COL11A2: variants seen among roughly 807,000 people sequenced by gnomAD.
The protein encoded by COL11A2 is collagen type XI alpha 2 chain, also known as collagen alpha-2(XI) chain.
COL11A2 carries 116 observed loss-of-function variants against 273.4 expected under a neutral mutation model. That is an observed-to-expected ratio of 0.42 (90% confidence interval 0.36 to 0.49). COL11A2 has a LOEUF of 0.49. Among genes scored for constraint, COL11A2 ranks in the 20% least tolerant of loss-of-function variants. COL11A2 has a pLI of 0.00. For missense variants in COL11A2, 1,866 were observed against 2,309.0 expected, an observed-to-expected ratio of 0.81 and a Z score of 3.93; for synonymous variants, 782 against 864.2, an observed-to-expected ratio of 0.90 and a Z score of 1.67.
rs371182293 is a variant in COL11A2 at position 33,180,650 on chromosome 6, T to C, written c.1284+18A>G. On this transcript the variant is annotated intron_variant, in intron 11 of 65. Coordinates refer to ENST00000341947, the MANE Select transcript of COL11A2 (RefSeq NM_080680.3). ...GCTCCCCCGAAGCTCCCCCGTCACA[T>C]GGAGGACACCCCCTTACCCTCTCTC... is the stretch of plus-strand genomic sequence containing the variant. The C allele has an allele frequency of 4.4e-5, 70 of 1,595,110 alleles. No homozygotes were observed. The African/African-American group carries it at 8.1e-4, about 18-fold the overall frequency.
At position 33,186,703 on chromosome 6, in the gene COL11A2, G is replaced by A; in HGVS notation, c.722C>T (p.Pro241Leu). The change falls in exon 5 of 66, where the codon CCT becomes CTT. Residue 241 changes from proline to leucine, a missense_variant. Transcript: ENST00000341947. ...CTGTGGAGATCTCTGGGCTCTGTGA[G>A]GCTGTTGGTTTTGGGGTCTTTCCCT... ...GQRERPQNQQ[P>L]HRAQRSPQQQ... The A allele has an allele frequency of 6.2e-7, 1 of 1,611,456 alleles. No individual in the cohort carries two copies. The highest frequency in any genetic ancestry group is 8.5e-7 in the Non-Finnish European group (1 of 1,179,024).
chr6:33,168,624 C>A, intron 53 of COL11A2, 52 bp from the exon 54 acceptor site: 1 of 1,607,594 alleles, frequency 6.2e-7, no homozygotes, highest in Non-Finnish European at 8.5e-7. Flanking sequence ...AGCCAAGGGA[C>A]CCCTCAGGAG....
chr6:33,179,592 C>A lies in COL11A2; in HGVS notation c.1447-105G>T. On this transcript the variant is annotated intron_variant, in intron 13 of 65. Coordinates refer to ENST00000341947, the MANE Select transcript of COL11A2 (RefSeq NM_080680.3). This position sits in a 1 kb window ranked among gnomAD's most constrained non-coding sequence, Gnocchi z 6.4. ...CCTCTCCTGATCCTCATCCACTGCCCAGGATTCTCCCCAACCTCCCTGTTA... is the reference window on the plus strand; with the variant it reads ...CCTCTCCTGATCCTCATCCACTGCCAAGGATTCTCCCCAACCTCCCTGTTA... 6.9e-7 allele frequency: 1 copy of A among 1,449,614 alleles called. No homozygotes were observed. The highest frequency in any genetic ancestry group is 1.4e-5 in the African/African-American group (1 of 71,318). The allele number at this position is 1,449,614 out of a possible 1,614,324, so 89.8% of individuals were successfully genotyped here. A position where few individuals can be genotyped will look rare whatever the true frequency, so the allele number is the denominator to read the frequency against.
Position 33,166,099 on chromosome 6 carries a change from A to G in COL11A2, c.4428+72T>C, listed in dbSNP as rs932707399. 8 of 1,603,310 alleles carry G rather than the reference A, an allele frequency of 5.0e-6. No individual in the cohort carries two copies. Among genetic ancestry groups the G allele is most frequent in the African/African-American group, 2.7e-5 (2 of 74,938 alleles). ...ATAAGGGGCTCCTTGGGGGGAGTCT[A>G]TTTGTCCTGGAGAGACATCATCAAG... On this transcript the variant is annotated intron_variant, in intron 61 of 65. Transcript: ENST00000341947. This position sits in a 1 kb window ranked among gnomAD's most constrained non-coding sequence, Gnocchi z 4.8.
At position 33,181,155 on chromosome 6, in the gene COL11A2, G is replaced by A. The variant is rs1417182811; in HGVS notation, c.1135C>T (p.Arg379Ter). 6 of 1,614,060 alleles carry A rather than the reference G, an allele frequency of 3.7e-6. No homozygotes were observed. The highest frequency in any genetic ancestry group is 1.3e-5 in the African/African-American group (1 of 74,984). Residue 379 changes from arginine to a stop codon, truncating the protein, a stop_gained, in exon 9 of 66, where the codon CGA (arginine) becomes TGA (stop). Coordinates refer to ENST00000341947, the MANE Select transcript of COL11A2 (RefSeq NM_080680.3). LOFTEE classifies it high-confidence loss of function. ...AHSGAAAHGP[R>*]GLKGEKGEPA... is the part of the protein sequence containing the mutation. The stretch of plus-strand genomic sequence containing the variant: ...TCTCCTTTCTCTCCCTTCAGCCCTC[G>A]GGGTCCATGGGCAGCCTGAAGGAGA...
At chr6:33,168,904 C>CT (rs1292523264) in intron 52 of COL11A2, 51 bp downstream of exon 52, 12 of 1,601,872 alleles carry the variant, frequency 7.5e-6, no homozygotes, top group Non-Finnish European at 1.0e-5. Flanking sequence ...GAGGACCCCC[C>CT]CATAGAAGCC....
At position 33,167,520 on chromosome 6, in the gene COL11A2, G is replaced by A; in HGVS notation, c.4028C>T (p.Ala1343Val). Reference sequence around the variant, plus strand: ...GCCTGTCTTCCCCGGGGCACCTATAGCGCCAGGATCTCCCTGAAACACACA... The same window carrying A: ...GCCTGTCTTCCCCGGGGCACCTATAACGCCAGGATCTCCCTGAAACACACA... ...GGKGAKGDPGAIGAPGKTGPV... is the reference protein window; with the variant it reads ...GGKGAKGDPGVIGAPGKTGPV... The change falls in exon 56 of 66, where the codon GCT becomes GTT. Residue 1343 changes from alanine (A) to valine (V), a missense_variant. Transcript: ENST00000341947. This position sits in a 1 kb window ranked among gnomAD's most constrained non-coding sequence, Gnocchi z 6.1. 6.2e-7 allele frequency: 1 copy of A among 1,612,832 alleles called. No homozygotes were observed. The highest frequency in any genetic ancestry group is 8.5e-7 in the Non-Finnish European group (1 of 1,180,010).
At position 33,172,543 on chromosome 6, in the gene COL11A2, T is replaced by G; in HGVS notation, c.2885A>C (p.Lys962Thr). 6.2e-7 allele frequency: 1 copy of G among 1,612,606 alleles called. No individual in the cohort carries two copies. The part of the protein sequence containing the change: ...GEQGLPGTAG[K>T]EGTKGDPGPP... ...CCCCTCACTGACCTTTGTTCCTTCT[T>G]TTCCAGCTGTCCCAGGTAGTCCCTG... Residue 962 changes from lysine to threonine, a missense_variant, in exon 39 of 66, where the codon AAA becomes ACA. Transcript: ENST00000341947.
intron 3 of COL11A2, 133 bp from the exon 4 acceptor site, chr6:33,188,657 G>A: frequency 9.7e-7 from 1 of 1,033,534 alleles, no homozygotes; most frequent in South Asian, 1.3e-5. Context: ...ACCATTTATT[G>A]AGTGTTTACA....
Position 33,170,628 on chromosome 6 carries a change from A to C in COL11A2, c.3475-18T>G, listed in dbSNP as rs750001870. On this transcript the variant is annotated intron_variant, in intron 46 of 65. Transcript: ENST00000341947. The surrounding 1 kb of genome is among the most constrained non-coding windows in gnomAD (Gnocchi z 4.3). ...GGCAAACCCTGTGCAAGTATACAAA[A>C]CATGGGCCCAGGTGACGACCCCACC... 6.2e-7 allele frequency: 1 copy of C among 1,612,500 alleles called. No individual in the cohort carries two copies. The highest frequency in any genetic ancestry group is 8.5e-7 in the Non-Finnish European group (1 of 1,179,750).
Position 33,165,458 on chromosome 6 carries a change from A to G in COL11A2, c.4750+91T>C. ...CCTCAGCCCTCACCCTTAACCCAACACCTTCACCAAGACTCCCCCAGCATC... is the reference window on the plus strand; with the variant it reads ...CCTCAGCCCTCACCCTTAACCCAACGCCTTCACCAAGACTCCCCCAGCATC... On this transcript the variant is annotated intron_variant, in intron 63 of 65. Coordinates refer to ENST00000341947, the MANE Select transcript of COL11A2 (RefSeq NM_080680.3). This position sits in a 1 kb window ranked among gnomAD's most constrained non-coding sequence, Gnocchi z 7.7. The G allele has an allele frequency of 6.3e-7, 1 of 1,584,286 alleles. No homozygotes were observed. The highest frequency in any genetic ancestry group is 8.6e-7 in the Non-Finnish European group (1 of 1,167,116).
In COL11A2 at chr6:33,177,691, C is replaced by T; in HGVS notation, c.1888G>A (p.Asp630Asn). 1 of 1,612,904 alleles carries T rather than the reference C, an allele frequency of 6.2e-7. No homozygotes were observed. Among genetic ancestry groups the T allele is most frequent in the Non-Finnish European group, 8.5e-7 (1 of 1,179,988 alleles). Residue 630 changes from aspartate to asparagine, a missense_variant, in exon 22 of 66, where the codon GAT becomes AAT. Transcript: ENST00000341947. This position sits in a 1 kb window ranked among gnomAD's most constrained non-coding sequence, Gnocchi z 5.9. ...IPGPPGVRGM[D>N]GPQGPKGSLG... is the part of the protein sequence containing the mutation. Reference sequence around the variant, plus strand: ...CTCCCTTTGGGGCCCTGGGGACCATCCATGCCTCGGACGCCCTGAAACACA... The same window carrying T: ...CTCCCTTTGGGGCCCTGGGGACCATTCATGCCTCGGACGCCCTGAAACACA...
chr6:33,178,957 T>C lies in COL11A2; in HGVS notation c.1628A>G (p.Asp543Gly). Reference sequence around the variant, plus strand: ...ATCTCCAGGCATCCCTCGGGCTCCATCAGCACCTGCCCGGCCCTGGGAGAA... The same window carrying C: ...ATCTCCAGGCATCCCTCGGGCTCCACCAGCACCTGCCCGGCCCTGGGAGAA... ...KAGRRGRAGA[D>G]GARGMPGDPG... Residue 543 changes from aspartate (D) to glycine (G), a missense_variant, in exon 17 of 66, where the codon GAT (aspartate) becomes GGT (glycine). Transcript: ENST00000341947. This position sits in a 1 kb window ranked among gnomAD's most constrained non-coding sequence, Gnocchi z 4.6. The C allele has an allele frequency of 3.1e-6, 5 of 1,613,966 alleles. No homozygotes were observed. Among genetic ancestry groups the C allele is most frequent in the Non-Finnish European group, 3.4e-6 (4 of 1,179,960 alleles).
rs201379211 is a variant in COL11A2, at chr6:33,189,467, C to G, written c.85G>C (p.Ala29Pro). ...GLSAAPGWAGAPPVDVLRALR... is the reference protein window; with the variant it reads ...GLSAAPGWAGPPPVDVLRALR... ...GCCCGGAGCACATCCACAGGGGGTG[C>G]ACCTGGGAGAGTCCATGATTATCAG... The change falls in exon 2 of 66, where the codon GCA becomes CCA. Residue 29 changes from alanine to proline, a missense_variant and splice_region_variant. Transcript: ENST00000341947. The surrounding 1 kb of genome is among the most constrained non-coding windows in gnomAD (Gnocchi z 5.6). 2.5e-6 allele frequency: 4 copies of G among 1,612,916 alleles called. No individual in the cohort carries two copies. Among genetic ancestry groups the G allele is most frequent in the Non-Finnish European group, 3.4e-6 (4 of 1,180,016 alleles).
At position 33,169,710 on chromosome 6, in the gene COL11A2, G is replaced by T; in HGVS notation, c.3690+121C>A. 1 of 1,292,436 alleles carries T rather than the reference G, an allele frequency of 7.7e-7. No homozygotes were observed. The highest frequency in any genetic ancestry group is 1.1e-6 in the Non-Finnish European group (1 of 887,980). The allele number at this position is 1,292,436 out of a possible 1,614,324, so 80.1% of individuals were successfully genotyped here. ...CAGGGATCAGGCCTCATAGAGGATG[G>T]CAGGGAGCAGAGACTCTTGCTGCAG... On this transcript the variant is annotated intron_variant, in intron 50 of 65. Coordinates refer to ENST00000341947, the MANE Select transcript of COL11A2 (RefSeq NM_080680.3). This position sits in a 1 kb window ranked among gnomAD's most constrained non-coding sequence, Gnocchi z 5.5.
In COL11A2 at chr6:33,167,051, GTGTC is replaced by G; in HGVS notation, c.4230+15_4230+18del. 2 of 1,613,052 alleles carry G rather than the reference GTGTC, an allele frequency of 1.2e-6. No individual in the cohort carries two copies. Among genetic ancestry groups the G allele is most frequent in the South Asian group, 1.1e-5 (1 of 91,030 alleles). On this transcript the variant is annotated intron_variant, in intron 58 of 65. Coordinates refer to ENST00000341947, the MANE Select transcript of COL11A2 (RefSeq NM_080680.3). The surrounding 1 kb of genome is among the most constrained non-coding windows in gnomAD (Gnocchi z 6.1). ...GGTGATGGGAGAGACACCTGGCCACGTGTCTGTCTGTCACTCACCTTCTCTCCCT... is the reference window on the plus strand; with the variant it reads ...GGTGATGGGAGAGACACCTGGCCACGTGTCTGTCACTCACCTTCTCTCCCT...
At position 33,178,412 on chromosome 6, in the gene COL11A2, C is replaced by T; in HGVS notation, c.1773+23G>A. On this transcript the variant is annotated intron_variant, in intron 19 of 65. Transcript: ENST00000341947. This position sits in a 1 kb window ranked among gnomAD's most constrained non-coding sequence, Gnocchi z 4.6. ...TTCTAGACCTCCCCTGCACCCAGCC[C>T]CTACATTTGCCACTACACTTACCCT... The T allele has an allele frequency of 6.2e-7, 1 of 1,612,950 alleles. No individual in the cohort carries two copies.
Position 33,167,664 on chromosome 6 carries a change from A to C in COL11A2, c.4015-131T>G. On this transcript the variant is annotated intron_variant, in intron 55 of 65. Coordinates refer to ENST00000341947, the MANE Select transcript of COL11A2 (RefSeq NM_080680.3). This position sits in a 1 kb window ranked among gnomAD's most constrained non-coding sequence, Gnocchi z 6.1. Reference sequence around the variant, plus strand: ...CTCTAGGAGCCCCTAGCGCAGGAACAAGTACAGGGAACGCCTGTCCCCATA... The same window carrying C: ...CTCTAGGAGCCCCTAGCGCAGGAACCAGTACAGGGAACGCCTGTCCCCATA... 1 of 1,450,912 alleles carries C rather than the reference A, an allele frequency of 6.9e-7. No individual in the cohort carries two copies. The highest frequency in any genetic ancestry group is 9.5e-7 in the Non-Finnish European group (1 of 1,047,122). The allele number at this position is 1,450,912 out of a possible 1,614,324, so 89.9% of individuals were successfully genotyped here.
chr6:33,177,129 C>G lies in COL11A2; in HGVS notation c.2016+52G>C. ...AATCCCAGCAGACATTTAGGGTTCT[C>G]CCTACATCCCCACTCTAAACCCCCT... On this transcript the variant is annotated intron_variant, in intron 24 of 65. Transcript: ENST00000341947. This position sits in a 1 kb window ranked among gnomAD's most constrained non-coding sequence, Gnocchi z 5.9. 1 of 1,612,640 alleles carries G rather than the reference C, an allele frequency of 6.2e-7. No individual in the cohort carries two copies. The highest frequency in any genetic ancestry group is 1.1e-5 in the South Asian group (1 of 91,074).
Sources: allele counts gnomAD v4.1 joint callset, GRCh38; gene constraint gnomAD v4.1.1; non-coding constraint Gnocchi (gnomAD v3.1); transcripts MANE v1.5; gene names NCBI Gene and HGNC (gene_info 2026-07-23, HGNC 2026-07-21).